The following TVP23C variants were observed in gnomAD, a reference collection of about 807,000 sequenced individuals.
The protein encoded by TVP23C is trans-golgi network vesicle protein 23 homolog C.
Under a neutral mutation model 28.7 loss-of-function variants are expected in TVP23C, and 19 were observed. The observed-to-expected ratio is 0.66, with a 90% confidence interval of 0.46 to 0.97. The LOEUF (loss-of-function observed/expected upper bound fraction) is 0.97. Ranked by LOEUF, TVP23C falls within the 50% of genes least tolerant of loss-of-function variation. The pLI is 0.00. For synonymous variants in TVP23C, 68 were observed against 81.7 expected (o/e 0.83, Z 0.90); for missense variants, 186 against 241.3 (o/e 0.77, Z 1.52).
At chr17:15,557,698 C>T (rs236808) in intron 1 of TVP23C, among the ~76,000 whole-genome samples, 9,117 of 138,134 alleles carry the variant, frequency 0.066, 970 homozygotes, top group East Asian at 0.45. Context: ...GCAAAGGAGA[C>T]GATAATATAC....
chr17:15,562,662 T>C (rs1356863901), intron 1 of TVP23C: 1 of 152,284 alleles, frequency 6.6e-6, no homozygotes, highest in African/African-American at 2.4e-5. Context: ...CCTCGGACAC[T>C]TGTTATTTCA....
intron 5 of TVP23C, among the ~76,000 whole-genome samples, chr17:15,541,286 C>T (rs1255776854): frequency 6.6e-6 from 1 of 152,194 alleles, no homozygotes; most frequent in African/African-American, 2.4e-5. Flanking sequence ...AGGTTAAAGA[C>T]TCTAATACAG....
chr17:15,546,174 G>C (rs1412335258), intron 4 of TVP23C, among the ~76,000 whole-genome samples: 2 of 152,062 alleles, frequency 1.3e-5, no homozygotes, highest in African/African-American at 4.8e-5. Flanking sequence ...GTCTCTGATA[G>C]GCTTCTATTC....
intron 5 of TVP23C, among the ~76,000 whole-genome samples, chr17:15,509,946 A>G (rs565316614): frequency 1.4e-4 from 22 of 152,316 alleles, no homozygotes; most frequent in African/African-American, 5.3e-4. Context: ...CATGGTTGTA[A>G]AATGAATCAT....
intron 5 of TVP23C, chr17:15,516,701 T>TG (rs1225847087): frequency 6.8e-6 from 1 of 147,932 alleles, no homozygotes; most frequent in African/African-American, 2.5e-5. Flanking sequence ...CATATGAATT[T>TG]GGGGGTGGGG....
chr17:15,521,821 C>G (rs1982494371), intron 5 of TVP23C, among the ~76,000 whole-genome samples: 1 of 152,206 alleles, frequency 6.6e-6, no homozygotes, highest in African/African-American at 2.4e-5. Flanking sequence ...ACACAGAGGT[C>G]TATAAGTCAC....
intron 2 of TVP23C, among the ~76,000 whole-genome samples, chr17:15,554,279 C>T (rs575771744): frequency 6.9e-4 from 104 of 149,892 alleles, no homozygotes; most frequent in Middle Eastern, 3.4e-3. Flanking sequence ...GCTCCGTCGC[C>T]CAGGCTGGAG....
At chr17:15,536,143 T>A (rs1040471721), downstream of TVP23C, among the ~76,000 whole-genome samples, 2 of 151,686 alleles carry the variant, frequency 1.3e-5, no homozygotes, top group Non-Finnish European at 2.9e-5. Flanking sequence ...TGATCCGAGA[T>A]CACACCACTG....
At chr17:15,549,803 C>T (rs559491571) in intron 3 of TVP23C, among the ~76,000 whole-genome samples, 1 of 152,030 alleles carries the variant, frequency 6.6e-6, no homozygotes, top group South Asian at 2.1e-4. Flanking sequence ...GGAGGCAACA[C>T]AGCTTACAGA....
chr17:15,548,301 G>A (rs549608207), intron 3 of TVP23C, among the ~76,000 whole-genome samples: 1 of 152,226 alleles, frequency 6.6e-6, no homozygotes. Context: ...CAAGTAGCAG[G>A]GATTACAGGC....
intron 5 of TVP23C, among the ~76,000 whole-genome samples, chr17:15,523,641 T>C (rs1357202230): frequency 6.7e-6 from 1 of 148,216 alleles, no homozygotes; most frequent in Non-Finnish European, 1.5e-5. Flanking sequence ...TTTGAGACAG[T>C]CTCACTCTGT....
rs1279107315 is a variant in TVP23C, at chr17:15,540,052, C to T, written c.*360G>A. On this transcript the variant is annotated 3_prime_UTR_variant, in exon 6 of 6. Coordinates refer to ENST00000518321, the MANE Select transcript of TVP23C (RefSeq NM_001135036.2). Reference sequence around the variant, plus strand: ...AGGTTGCAGTGAGCCGAGATTGCACCACTGCACTCCAGCCTGGGCGACAGA... The same window carrying T: ...AGGTTGCAGTGAGCCGAGATTGCACTACTGCACTCCAGCCTGGGCGACAGA... 4.7e-6 allele frequency: 5 copies of T among 1,069,130 alleles called. No individual in the cohort carries two copies. Among genetic ancestry groups the T allele is most frequent in the Non-Finnish European group, 4.6e-6 (4 of 877,244 alleles). The allele number at this position is 1,069,130 out of a possible 1,614,324, so 66.2% of individuals were successfully genotyped here. A position where few individuals can be genotyped will look rare whatever the true frequency, so the allele number is the denominator to read the frequency against.
chr17:15,547,850 T>C (rs1983712240), intron 3 of TVP23C, among the ~76,000 whole-genome samples: 1 of 152,132 alleles, frequency 6.6e-6, no homozygotes, highest in South Asian at 2.1e-4. Flanking sequence ...AAAATGACTC[T>C]CTGAGGAGTC....
chr17:15,542,480 A>T (rs1423973581), intron 5 of TVP23C, among the ~76,000 whole-genome samples: 2 of 147,436 alleles, frequency 1.4e-5, no homozygotes, highest in Non-Finnish European at 3.0e-5. Context: ...ATTTATTTTT[A>T]TTTATTTATT....
chr17:15,528,861 G>C (rs1247814906), intron 5 of TVP23C, among the ~76,000 whole-genome samples: 1 of 151,650 alleles, frequency 6.6e-6, no homozygotes, highest in Non-Finnish European at 1.5e-5. Flanking sequence ...GCCTCCCAAA[G>C]TGCTGGGATT....
chr17:15,561,618 G>GAATA (rs1293031251), intron 1 of TVP23C, among the ~76,000 whole-genome samples: 82 of 121,630 alleles, frequency 6.7e-4, no homozygotes, highest in Admixed American at 1.6e-3. Flanking sequence ...ATGAATGAAT[G>GAATA]AATGAATGAA....
intron 3 of TVP23C, 52 bp downstream of exon 3, chr17:15,553,633 T>C (rs1983993798): frequency 3.2e-6 from 5 of 1,547,838 alleles, no homozygotes; most frequent in Admixed American, 2.1e-5. Flanking sequence ...CATATTTTTA[T>C]ACATCATTTT....
At chr17:15,556,563 C>T (rs1005910405) in intron 1 of TVP23C, among the ~76,000 whole-genome samples, 33 of 152,038 alleles carry the variant, frequency 2.2e-4, no homozygotes, top group African/African-American at 7.2e-4. Flanking sequence ...CAGGTTTCAC[C>T]GTGTTAACCA....
At chr17:15,519,089 C>T (rs1040228127) in intron 5 of TVP23C, among the ~76,000 whole-genome samples, 1 of 152,124 alleles carries the variant, frequency 6.6e-6, no homozygotes, top group Non-Finnish European at 1.5e-5. Context: ...CTGAGGCCTC[C>T]CCAGCCATGC....
Sources: allele counts gnomAD v4.1 joint callset (sites outside exome capture counted in the v4.1 genomes callset), GRCh38; gene constraint gnomAD v4.1.1; transcripts MANE v1.5; gene names NCBI Gene and HGNC (gene_info 2026-07-23, HGNC 2026-07-21).